Variants in FBXL17 observed in about 807,000 individuals in gnomAD.
FBXL17 encodes F-box/LRR-repeat protein 17.
Under a neutral mutation model 66.2 loss-of-function variants are expected in FBXL17, and 22 were observed. The observed-to-expected ratio is 0.33, with a 90% CI of 0.24 to 0.47. The LOEUF (loss-of-function observed/expected upper bound fraction) is 0.47, where lower values mean the gene tolerates loss of function less well. Ranked by LOEUF, FBXL17 falls within the 20% of genes least tolerant of loss-of-function variation. The probability of loss-of-function intolerance (pLI) is 1.00; values close to 1 mark genes in which losing one functional copy is unlikely to be tolerated. For synonymous variants in FBXL17, 474 were observed against 400.5 expected (o/e 1.18, Z -2.19); for missense variants, 878 against 948.2 (o/e 0.93, Z 0.97).
chr5:107,941,930 T>C (rs1255507608), intron 7 of FBXL17, among the ~76,000 whole-genome samples: 2 of 152,172 alleles, frequency 1.3e-5, no homozygotes, highest in Admixed American at 1.3e-4. Context: ...GAAAGTTCTA[T>C]TACTGAACTA....
intron 6 of FBXL17, among the ~76,000 whole-genome samples, chr5:108,122,848 T>C (rs1170683882): frequency 6.6e-6 from 1 of 152,082 alleles, no homozygotes; most frequent in East Asian, 1.9e-4. Flanking sequence ...TGGAAAAGCA[T>C]GTGCAAGAAA....
At chr5:107,931,305 G>C (rs1172705243) in intron 7 of FBXL17, among the ~76,000 whole-genome samples, 4 of 149,772 alleles carry the variant, frequency 2.7e-5, no homozygotes, top group Non-Finnish European at 5.9e-5. Flanking sequence ...CATTGCCCAG[G>C]CTGGAGTGCA....
At chr5:108,361,358 T>C (rs1748324836) in intron 3 of FBXL17, among the ~76,000 whole-genome samples, 1 of 152,146 alleles carries the variant, frequency 6.6e-6, no homozygotes, top group African/African-American at 2.4e-5. Context: ...CAAAAGCACT[T>C]ATTCAAGTCT....
Position 108,352,541 on chromosome 5 carries a change from C to T in FBXL17, c.1375-4011G>A, listed in dbSNP as rs888539416. Among the ~76,000 whole-genome samples the T allele has an allele frequency of 5.3e-5, 8 of 152,268 alleles. No homozygotes were observed. In the East Asian group the frequency reaches 9.6e-4, roughly 18 times the overall value. ...TGTTTTGTTTTTTGAGACGGAGTTT[C>T]GCTCTTTCGCCCAGGCTGGAGTGCA... On this transcript the variant is annotated intron_variant, in intron 3 of 8. Coordinates refer to ENST00000542267, the MANE Select transcript of FBXL17 (RefSeq NM_001163315.3).
intron 4 of FBXL17, among the ~76,000 whole-genome samples, chr5:108,255,170 T>A (rs181376464): frequency 6.6e-6 from 1 of 152,170 alleles, no homozygotes; most frequent in African/African-American, 2.4e-5. Flanking sequence ...TAAAATACAT[T>A]TTTTGCAAAT....
chr5:108,219,934 T>A (rs1436053687), intron 5 of FBXL17, among the ~76,000 whole-genome samples: 1 of 145,438 alleles, frequency 6.9e-6, no homozygotes, highest in Non-Finnish European at 1.5e-5. Context: ...TTTCCTTTTT[T>A]TTTTTTTTTT....
At chr5:108,268,420 G>A (rs892555154) in intron 4 of FBXL17, among the ~76,000 whole-genome samples, 6 of 151,810 alleles carry the variant, frequency 4.0e-5, no homozygotes, top group South Asian at 4.2e-4. Flanking sequence ...ACTATGAAAC[G>A]GCTCTGGTTC....
intron 1 of FBXL17, among the ~76,000 whole-genome samples, chr5:108,379,326 C>A (rs1182787287): frequency 6.6e-6 from 1 of 152,148 alleles, no homozygotes; most frequent in Non-Finnish European, 1.5e-5. Context: ...CCATATCACC[C>A]AGTGATTTAA....
At chr5:108,340,594 T>G (rs1296640852) in intron 4 of FBXL17, among the ~76,000 whole-genome samples, 2 of 152,146 alleles carry the variant, frequency 1.3e-5, no homozygotes, top group Non-Finnish European at 2.9e-5. Context: ...TGACTTTGGC[T>G]GGATAAATTT....
intron 6 of FBXL17, among the ~76,000 whole-genome samples, chr5:108,037,207 A>G (rs965995314): frequency 5.3e-5 from 8 of 152,340 alleles, no homozygotes; most frequent in Admixed American, 5.2e-4. Flanking sequence ...AGAAGCTATA[A>G]TAATTTTTGA....
chr5:108,091,108 C>T (rs767116223), intron 6 of FBXL17, among the ~76,000 whole-genome samples: 1 of 152,120 alleles, frequency 6.6e-6, no homozygotes, highest in Non-Finnish European at 1.5e-5. Flanking sequence ...GCTGTTAAAA[C>T]GAAACAAAAC....
intron 7 of FBXL17, chr5:108,020,710 G>T (rs1754563453): frequency 7.0e-6 from 3 of 430,136 alleles, no homozygotes; most frequent in Non-Finnish European, 1.3e-5. Flanking sequence ...GCATGTGTGT[G>T]TGATTGCATG....
chr5:108,066,922 A>G (rs1384804629), intron 6 of FBXL17, among the ~76,000 whole-genome samples: 3 of 152,086 alleles, frequency 2.0e-5, no homozygotes, highest in African/African-American at 7.2e-5. Flanking sequence ...AATGAGCACT[A>G]AGCATTTAGA....
intron 7 of FBXL17, among the ~76,000 whole-genome samples, chr5:108,016,769 T>C (rs2112753432): frequency 1.0e-5 from 1 of 99,516 alleles, no homozygotes; most frequent in African/African-American, 3.7e-5. Context: ...TATCTTTTTT[T>C]CTTTCTTTCT....
chr5:108,012,260 C>T (rs2112742236), intron 7 of FBXL17, among the ~76,000 whole-genome samples: 1 of 152,194 alleles, frequency 6.6e-6, no homozygotes, highest in Non-Finnish European at 1.5e-5. Context: ...AATATATACA[C>T]TTTTGAAATC....
At chr5:107,982,331 G>T (rs1039051567) in intron 7 of FBXL17, among the ~76,000 whole-genome samples, 4 of 151,894 alleles carry the variant, frequency 2.6e-5, no homozygotes, top group Non-Finnish European at 5.9e-5. Context: ...TACACAAAAG[G>T]CTTTTATATT....
Position 108,061,728 on chromosome 5 carries a change from G to T in FBXL17, c.1746-40727C>A, listed in dbSNP as rs184700281. Among the ~76,000 whole-genome samples, 4 of 152,010 alleles carry T rather than the reference G, an allele frequency of 2.6e-5. No homozygotes were observed. In the East Asian group the frequency reaches 5.8e-4, roughly 22 times the overall value. ...TCTACTCTCCACAATTTTGTTACTC[G>T]TCAAGAGAAGTATATAAACTGATAT... On this transcript the variant is annotated intron_variant, in intron 6 of 8. Transcript: ENST00000542267.
chr5:107,992,783 G>T (rs1753305526), intron 7 of FBXL17, among the ~76,000 whole-genome samples: 1 of 152,026 alleles, frequency 6.6e-6, no homozygotes, highest in African/African-American at 2.4e-5. Context: ...CTTATTCTGT[G>T]GATACACTGA....
chr5:108,212,965 A>C (rs1754440822), intron 5 of FBXL17, among the ~76,000 whole-genome samples: 2 of 152,060 alleles, frequency 1.3e-5, no homozygotes, highest in South Asian at 4.1e-4. Context: ...GGTTTTATCT[A>C]TATGTCCCTG....
Sources: allele counts gnomAD v4.1 joint callset (sites outside exome capture counted in the v4.1 genomes callset), GRCh38; gene constraint gnomAD v4.1.1; transcripts MANE v1.5; gene names NCBI Gene and HGNC (gene_info 2026-07-23, HGNC 2026-07-21).